Variants in TRAF2 observed in about 807,000 individuals in gnomAD.
TRAF2 encodes the protein TNF receptor associated factor 2.
Under a neutral mutation model 55.6 loss-of-function variants are expected in TRAF2, and 6 were observed. The ratio of observed to expected loss-of-function variants is 0.11; its 90% CI spans 0.06 to 0.21. TRAF2 has a LOEUF of 0.21. Among genes scored for constraint, TRAF2 ranks in the 10% least tolerant of loss-of-function variants. TRAF2 has a pLI of 1.00. For missense variants in TRAF2, 561 were observed against 684.5 expected (o/e 0.82, Z 2.01); for synonymous variants, 329 against 276.3 (o/e 1.19, Z -1.89).
intron 1 of TRAF2, among the ~76,000 whole-genome samples, chr9:136,887,933 G>A (rs997000008): frequency 6.6e-6 from 1 of 151,948 alleles, no homozygotes; most frequent in Admixed American, 6.6e-5. Context: ...GCAGTGGCTC[G>A]ATCTCGGCTC....
In TRAF2 at chr9:136,926,500, C is replaced by G. The variant is rs1266053350; in HGVS notation, c.*599C>G. ...TGGGAGAGGGTCTGGTCCCACGCCG[C>G]CTCTGCTCAGACCACTGTGTGGGAG... On this transcript the variant is annotated 3_prime_UTR_variant, in exon 11 of 11. Coordinates refer to ENST00000247668, the MANE Select transcript of TRAF2 (RefSeq NM_021138.4). 4.5e-6 allele frequency: 1 copy of G among 220,862 alleles called. No individual in the cohort carries two copies. Among genetic ancestry groups the G allele is most frequent in the Non-Finnish European group, 9.2e-6 (1 of 108,372 alleles). 13.7% of individuals were successfully genotyped at this position (220,862 alleles called of 1,614,324 possible).
At chr9:136,898,967 G>A (rs1192685614) in intron 2 of TRAF2, 39 bp downstream of exon 2, 3 of 1,553,892 alleles carry the variant, frequency 1.9e-6, no homozygotes, top group South Asian at 1.2e-5. Context: ...GGGCAGGCAG[G>A]CTAGGCTGGT....
At chr9:136,924,867 T>G (rs951319138) in intron 10 of TRAF2, among the ~76,000 whole-genome samples, 2 of 151,950 alleles carry the variant, frequency 1.3e-5, no homozygotes, top group Non-Finnish European at 2.9e-5. Context: ...GCCTCCTGAG[T>G]AGCTGGGACT....
intron 6 of TRAF2, among the ~76,000 whole-genome samples, chr9:136,914,327 A>C (rs908958488): frequency 2.6e-5 from 4 of 152,074 alleles, no homozygotes; most frequent in African/African-American, 9.7e-5. Flanking sequence ...CCCCATTCCC[A>C]GCATGCTGCG....
At chr9:136,923,045 G>C (rs1449650772) in intron 9 of TRAF2, among the ~76,000 whole-genome samples, 1 of 152,152 alleles carries the variant, frequency 6.6e-6, no homozygotes, top group Non-Finnish European at 1.5e-5. Flanking sequence ...ACAGTGTTCT[G>C]TCATGTGACT....
chr9:136,913,414 C>T (rs1464811391), intron 6 of TRAF2, among the ~76,000 whole-genome samples: 1 of 146,244 alleles, frequency 6.8e-6, no homozygotes, highest in Non-Finnish European at 1.5e-5. Context: ...TCTCCTGCCT[C>T]AGCGTCCCTA....
chr9:136,925,358 A>AT (rs747241500), intron 10 of TRAF2, among the ~76,000 whole-genome samples: 1 of 152,124 alleles, frequency 6.6e-6, no homozygotes, highest in Non-Finnish European at 1.5e-5. Context: ...CAGATGTGTT[A>AT]TTTTTTGCAT....
chr9:136,883,401 T>C (rs1849396599), upstream of TRAF2, among the ~76,000 whole-genome samples: 3 of 152,134 alleles, frequency 2.0e-5, no homozygotes, highest in Admixed American at 1.3e-4. Context: ...CCTTCAACAC[T>C]GTCATCATCC....
At chr9:136,904,054 CGCTGCCCCACAGGCCTACAT>C (rs1347053685) in intron 4 of TRAF2, among the ~76,000 whole-genome samples, 2 of 152,196 alleles carry the variant, frequency 1.3e-5, no homozygotes, top group African/African-American at 4.8e-5. Flanking sequence ...AGAGGTGTGC[CGCTGCCCCACAGGCCTACAT>C]GCTGCCCCGC....
upstream of TRAF2, chr9:136,886,376 AGCGGGGC>A (rs1849447152): frequency 1.0e-5 from 10 of 984,188 alleles, no homozygotes; most frequent in Admixed American, 5.5e-4. Context: ...GCGCGCTCGG[AGCGGGGC>A]GTATCTGGCC....
At chr9:136,885,395 G>A (rs1849426179), upstream of TRAF2, among the ~76,000 whole-genome samples, 1 of 152,100 alleles carries the variant, frequency 6.6e-6, no homozygotes, top group Non-Finnish European at 1.5e-5. Flanking sequence ...CCCGTGCACC[G>A]CCAGAGAGAA....
At chr9:136,916,946 T>G (rs1001571027) in intron 7 of TRAF2, among the ~76,000 whole-genome samples, 2 of 152,134 alleles carry the variant, frequency 1.3e-5, no homozygotes, top group African/African-American at 4.8e-5. Flanking sequence ...CGACCACTCC[T>G]TGGCCGCTGT....
chr9:136,909,804 G>T (rs1390046122), intron 5 of TRAF2, 116 bp from the exon 6 acceptor site: 8 of 1,012,764 alleles, frequency 7.9e-6, no homozygotes, highest in South Asian at 1.4e-5. Context: ...AGGCTGGAGG[G>T]TGACCACGTG....
At chr9:136,916,028 C>T in intron 6 of TRAF2, among the ~76,000 whole-genome samples, 1 of 152,122 alleles carries the variant, frequency 6.6e-6, no homozygotes, top group Admixed American at 6.5e-5. Flanking sequence ...ATCCATAGAC[C>T]CATGTCAGAT....
At chr9:136,909,085 G>A (rs924968327) in intron 5 of TRAF2, among the ~76,000 whole-genome samples, 5 of 151,928 alleles carry the variant, frequency 3.3e-5, no homozygotes, top group African/African-American at 1.2e-4. Context: ...TTGTTTTTAG[G>A]ACAAAAAAGC....
At chr9:136,896,775 AT>A (rs1258317099) in intron 1 of TRAF2, among the ~76,000 whole-genome samples, 7 of 152,136 alleles carry the variant, frequency 4.6e-5, no homozygotes, top group Admixed American at 1.3e-4. Context: ...CGCCCGGCTA[AT>A]TTTTTGTATT....
chr9:136,903,567 G>A (rs969471980), intron 4 of TRAF2, among the ~76,000 whole-genome samples: 7 of 151,890 alleles, frequency 4.6e-5, no homozygotes, highest in Admixed American at 4.6e-4. Flanking sequence ...GTCTGCTGTG[G>A]GTGGGGAGAA....
Position 136,908,043 on chromosome 9 carries a change from A to G in TRAF2, c.367-27A>G, listed in dbSNP as rs748887854. ...TGCCCAAATGTCCCACGCGAGTTCT[A>G]CTGACGCTTCCTCCTTTCGTTGCTA... On this transcript the variant is annotated intron_variant, in intron 4 of 10. Coordinates refer to ENST00000247668, the MANE Select transcript of TRAF2 (RefSeq NM_021138.4). 9 of 1,587,736 alleles carry G rather than the reference A, an allele frequency of 5.7e-6. No homozygotes were observed. In the South Asian group the frequency reaches 1.0e-4, roughly 18 times the overall value.
upstream of TRAF2, among the ~76,000 whole-genome samples, chr9:136,885,851 G>T (rs1248050153): frequency 2.6e-5 from 4 of 152,232 alleles, no homozygotes; most frequent in Non-Finnish European, 5.9e-5. Context: ...TCCGGTTGCA[G>T]AGCATTACCT....
Sources: allele counts gnomAD v4.1 joint callset (sites outside exome capture counted in the v4.1 genomes callset), GRCh38; gene constraint gnomAD v4.1.1; transcripts MANE v1.5; gene names NCBI Gene and HGNC (gene_info 2026-07-23, HGNC 2026-07-21).